ATP2B2: variants seen among roughly 807,000 people sequenced by gnomAD.
ATP2B2 encodes ATPase plasma membrane Ca2+ transporting 2.
ATP2B2 carries 15 observed loss-of-function variants against 120.0 expected under a neutral mutation model. That is an observed-to-expected ratio of 0.12 (90% CI 0.08 to 0.19). The LOEUF (loss-of-function observed/expected upper bound fraction) is 0.19. Ranked by LOEUF, ATP2B2 falls within the 10% of genes least tolerant of loss-of-function variation. The pLI, the probability that ATP2B2 is intolerant of heterozygous loss-of-function variation, is 1.00. For missense variants in ATP2B2, 1,045 were observed against 1,719.8 expected (o/e 0.61, Z 6.94); for synonymous variants, 694 against 700.3 (o/e 0.99, Z 0.14).
intron 3 of ATP2B2, among the ~76,000 whole-genome samples, chr3:10,517,293 G>A (rs552388164): frequency 6.6e-6 from 1 of 152,298 alleles, no homozygotes; most frequent in South Asian, 2.1e-4. Context: ...ATCTCGCCTC[G>A]GCCACCCCTT....
intron 3 of ATP2B2, among the ~76,000 whole-genome samples, chr3:10,518,005 T>C (rs1351998170): frequency 4.0e-5 from 6 of 150,814 alleles, no homozygotes; most frequent in Non-Finnish European, 7.4e-5. Flanking sequence ...CAGTGAGGCA[T>C]TCCAGGTAGC....
At position 10,326,698 on chromosome 3, in the gene ATP2B2, AT is replaced by A; in HGVS notation, c.*2115del. 1 of 399,042 alleles carries A rather than the reference AT, an allele frequency of 2.5e-6. No individual in the cohort carries two copies. The highest frequency in any genetic ancestry group is 4.4e-6 in the Non-Finnish European group (1 of 226,074). The allele number at this position is 399,042 out of a possible 1,614,324, so 24.7% of individuals were successfully genotyped here. A position where few individuals can be genotyped will look rare whatever the true frequency, so the allele number is the denominator to read the frequency against. ...GTTATGCAGTTCCTCTCCTGGATAC[AT>A]TCAGAGATACTTCTTCACGACATTC... On this transcript the variant is annotated 3_prime_UTR_variant, in exon 23 of 23. Coordinates refer to ENST00000360273, the MANE Select transcript of ATP2B2 (RefSeq NM_001001331.4).
intron 1 of ATP2B2, among the ~76,000 whole-genome samples, chr3:10,668,108 T>G (rs998012927): frequency 3.2e-4 from 49 of 152,290 alleles, no homozygotes; most frequent in South Asian, 4.1e-4. Flanking sequence ...GCCTGTGGCA[T>G]TGGGGTGTGG....
intron 1 of ATP2B2, among the ~76,000 whole-genome samples, chr3:10,484,326 G>T (rs571043380): frequency 7.0e-4 from 107 of 152,212 alleles, no homozygotes; most frequent in Non-Finnish European, 1.2e-3. Context: ...CCCCCTCCCT[G>T]CTGGCCACTG....
chr3:10,698,730 A>C (rs1026470892), intron 1 of ATP2B2, among the ~76,000 whole-genome samples: 6 of 152,322 alleles, frequency 3.9e-5, no homozygotes. Context: ...AGCCTGGGGA[A>C]TGTGCAAAGG....
At chr3:10,444,367 C>T (rs1335335457) in intron 2 of ATP2B2, among the ~76,000 whole-genome samples, 2 of 152,222 alleles carry the variant, frequency 1.3e-5, no homozygotes, top group Non-Finnish European at 2.9e-5. Flanking sequence ...CTGCCCCTGC[C>T]TCCACATCCT....
chr3:10,659,889 C>A (rs2070735645), intron 1 of ATP2B2, among the ~76,000 whole-genome samples: 4 of 150,334 alleles, frequency 2.7e-5, no homozygotes, highest in African/African-American at 7.5e-5. Flanking sequence ...AATTATATAA[C>A]AAACTGTCTC....
upstream of ATP2B2, among the ~76,000 whole-genome samples, chr3:10,508,978 C>T (rs2066705404): frequency 6.6e-6 from 1 of 152,124 alleles, no homozygotes; most frequent in Non-Finnish European, 1.5e-5. Flanking sequence ...GCCAGCCAAT[C>T]TGATTTTTAC....
intron 2 of ATP2B2, among the ~76,000 whole-genome samples, chr3:10,581,863 G>A (rs66474854): frequency 0.043 from 6,527 of 152,222 alleles, 352 homozygotes; most frequent in East Asian, 0.29. Flanking sequence ...AAAGCAGATC[G>A]AACAGTGCCT....
chr3:10,672,108 G>T (rs574959064), intron 1 of ATP2B2, among the ~76,000 whole-genome samples: 2 of 152,330 alleles, frequency 1.3e-5, no homozygotes, highest in African/African-American at 4.8e-5. Flanking sequence ...TTTTGGGTCT[G>T]CAAACTCTTG....
chr3:10,413,301 C>G (rs2062674793), intron 2 of ATP2B2, among the ~76,000 whole-genome samples: 1 of 152,224 alleles, frequency 6.6e-6, no homozygotes, highest in African/African-American at 2.4e-5. Flanking sequence ...CATGAGATCT[C>G]CATCAGGAGC....
intron 2 of ATP2B2, among the ~76,000 whole-genome samples, chr3:10,535,852 ATTTG>A (rs2067303156): frequency 6.6e-6 from 1 of 151,310 alleles, no homozygotes; most frequent in African/African-American, 2.4e-5. Flanking sequence ...AATTGTTTTC[ATTTG>A]TTTGGAATAA....
At chr3:10,582,209 C>T (rs575857726) in intron 2 of ATP2B2, among the ~76,000 whole-genome samples, 16 of 152,094 alleles carry the variant, frequency 1.1e-4, no homozygotes, top group Admixed American at 2.0e-4. Context: ...TTGGGGGGAC[C>T]GGGGATCTGG....
Position 10,332,151 on chromosome 3 carries a change from CTAA to C in ATP2B2, c.3421-3029_3421-3027del. 2.0e-5 allele frequency: 17 copies of C among 864,572 alleles called. No homozygotes were observed. In the South Asian group the frequency reaches 2.2e-4, roughly 11 times the overall value. The allele number at this position is 864,572 out of a possible 1,614,324, so 53.6% of individuals were successfully genotyped here. The stretch of plus-strand genomic sequence containing the variant: ...TTGCACTAAATTAGTTACCAAAACG[CTAA>C]TGAGAAGTCCAGCTTTCTTCCCTTT... On this transcript the variant is annotated intron_variant, in intron 22 of 22. Coordinates refer to ENST00000360273, the MANE Select transcript of ATP2B2 (RefSeq NM_001001331.4).
At chr3:10,555,583 A>G (rs201735855) in intron 2 of ATP2B2, among the ~76,000 whole-genome samples, 3 of 152,198 alleles carry the variant, frequency 2.0e-5, no homozygotes, top group African/African-American at 4.8e-5. Context: ...CTGGGCTCCA[A>G]TGCTCCAACA....
chr3:10,328,784 G>A lies in ATP2B2; in HGVS notation c.*30C>T. 1 of 1,580,328 alleles carries A rather than the reference G, an allele frequency of 6.3e-7. No homozygotes were observed. Among genetic ancestry groups the A allele is most frequent in the Non-Finnish European group, 8.6e-7 (1 of 1,159,336 alleles). On this transcript the variant is annotated 3_prime_UTR_variant, in exon 23 of 23. Coordinates refer to ENST00000360273, the MANE Select transcript of ATP2B2 (RefSeq NM_001001331.4). Reference sequence around the variant, plus strand: ...AAGCGGGTGGCAGCGGGGTCCATGAGGGCGGGCGGGCAGGCGAGAGGGTCC... The same window carrying A: ...AAGCGGGTGGCAGCGGGGTCCATGAAGGCGGGCGGGCAGGCGAGAGGGTCC...
chr3:10,459,140 C>T (rs940329709), intron 1 of ATP2B2, among the ~76,000 whole-genome samples: 1 of 152,262 alleles, frequency 6.6e-6, no homozygotes, highest in African/African-American at 2.4e-5. Context: ...ATCAGGAAGG[C>T]ATGACCTGAC....
intron 2 of ATP2B2, among the ~76,000 whole-genome samples, chr3:10,417,066 CGGCGGGGG>C (rs2062812456): frequency 1.6e-4 from 6 of 38,084 alleles, no homozygotes; most frequent in Admixed American, 4.8e-4. Flanking sequence ...TCCCAGACGG[CGGCGGGGG>C]GGGGCGGGCA....
chr3:10,335,442 G>A (rs559373557), intron 22 of ATP2B2, among the ~76,000 whole-genome samples: 10 of 134,746 alleles, frequency 7.4e-5, no homozygotes, highest in Middle Eastern at 7.0e-3. Context: ...GGGGTGCAGC[G>A]TCTAGGCTGT....
Sources: allele counts gnomAD v4.1 joint callset (sites outside exome capture counted in the v4.1 genomes callset), GRCh38; gene constraint gnomAD v4.1.1; transcripts MANE v1.5; gene names NCBI Gene and HGNC (gene_info 2026-07-23, HGNC 2026-07-21).